Variants in PALMD observed in about 807,000 individuals in gnomAD.
PALMD encodes the protein palmdelphin.
A neutral mutation model predicts 56.2 loss-of-function variants in PALMD; 42 were observed. The observed-to-expected ratio is 0.75, with a 90% confidence interval of 0.58 to 0.97. The LOEUF is 0.97. PALMD is among the 50% of genes least tolerant of loss of function. The pLI, the probability that PALMD is intolerant of heterozygous loss-of-function variation, is 0.00. For missense variants in PALMD, 660 were observed against 643.8 expected (o/e 1.03, Z -0.27); for synonymous variants, 242 against 222.9 (o/e 1.09, Z -0.76).
intron 7 of PALMD, among the ~76,000 whole-genome samples, chr1:99,691,476 TATCA>T (rs1226573918): frequency 2.0e-5 from 3 of 152,168 alleles, no homozygotes; most frequent in Non-Finnish European, 4.4e-5. Flanking sequence ...AGTTCTGTAT[TATCA>T]ATCAAAGTAT....
chr1:99,682,172 A>G (rs916724114), intron 3 of PALMD, among the ~76,000 whole-genome samples: 2 of 152,230 alleles, frequency 1.3e-5, no homozygotes, highest in African/African-American at 4.8e-5. Flanking sequence ...TATATTGTCC[A>G]TAAATATTTG....
chr1:99,646,530 G>C (rs1165338370), intron 1 of PALMD, among the ~76,000 whole-genome samples, 168 bp downstream of exon 1: 3 of 152,170 alleles, frequency 2.0e-5, no homozygotes, highest in Non-Finnish European at 4.4e-5. Context: ...TGTAACTCTG[G>C]GGCTTCAGAA....
chr1:99,672,656 T>C (rs78228892), intron 3 of PALMD, among the ~76,000 whole-genome samples: 1,931 of 152,218 alleles, frequency 0.013, 27 homozygotes, highest in African/African-American at 0.036. Context: ...CAAACTGCCC[T>C]GTGCCAAGCT....
At chr1:99,674,362 T>C (rs1292330605) in intron 3 of PALMD, among the ~76,000 whole-genome samples, 2 of 152,192 alleles carry the variant, frequency 1.3e-5, no homozygotes, top group African/African-American at 4.8e-5. Flanking sequence ...AGCACTATTC[T>C]GAGAATGACA....
intron 7 of PALMD, 24 bp from the exon 8 acceptor site, chr1:99,693,995 T>TC: frequency 6.5e-7 from 1 of 1,528,754 alleles, no homozygotes; most frequent in Non-Finnish European, 8.9e-7. Context: ...TTTATAACTC[T>TC]CTTTTTTTTT....
At chr1:99,688,526 T>C (rs1237777401) in intron 6 of PALMD, among the ~76,000 whole-genome samples, 1 of 152,162 alleles carries the variant, frequency 6.6e-6, no homozygotes, top group African/African-American at 2.4e-5. Context: ...TTATCTTCTC[T>C]AATCAACTTC....
chr1:99,670,097 G>A (rs963729479), intron 3 of PALMD, among the ~76,000 whole-genome samples: 3 of 152,182 alleles, frequency 2.0e-5, no homozygotes, highest in Non-Finnish European at 4.4e-5. Flanking sequence ...TTTGAAGTGT[G>A]TTCTGTCCCT....
intron 3 of PALMD, among the ~76,000 whole-genome samples, chr1:99,681,857 C>A (rs542554866): frequency 6.6e-6 from 1 of 152,172 alleles, no homozygotes; most frequent in Non-Finnish European, 1.5e-5. Context: ...TGGTTACGAA[C>A]CACTGTACTA....
chr1:99,664,375 T>C (rs909510607), intron 2 of PALMD, among the ~76,000 whole-genome samples: 1 of 152,174 alleles, frequency 6.6e-6, no homozygotes, highest in Admixed American at 6.6e-5. Context: ...TGGATGTATA[T>C]AGGGCCTTTA....
chr1:99,686,748 G>A lies in PALMD; in HGVS notation c.324G>A (p.Lys108=). 1.2e-6 allele frequency: 2 copies of A among 1,607,406 alleles called. No individual in the cohort carries two copies. The highest frequency in any genetic ancestry group is 1.7e-6 in the Non-Finnish European group (2 of 1,175,004). The change falls in exon 4 of 8, where the codon AAG becomes AAA. Residue 108 remains lysine, a synonymous_variant. Transcript: ENST00000263174. ...QISTKEEAIL[K]KLKSIERTTE... is the part of the protein sequence containing the mutation. ...CAACGAAGGAAGAGGCCATTTTAAA[G>A]AAACTAAAGTCAATTGAGCGGACAA...
intron 1 of PALMD, among the ~76,000 whole-genome samples, chr1:99,661,835 A>C (rs1321161836): frequency 6.6e-6 from 1 of 152,208 alleles, no homozygotes; most frequent in Non-Finnish European, 1.5e-5. Context: ...CAGGCTATGC[A>C]AGGAGGAAAC....
chr1:99,656,630 C>T (rs748875277), intron 1 of PALMD, among the ~76,000 whole-genome samples: 1 of 152,214 alleles, frequency 6.6e-6, no homozygotes, highest in Non-Finnish European at 1.5e-5. Flanking sequence ...CCTATACCCT[C>T]TTTCTAGTCA....
intron 3 of PALMD, among the ~76,000 whole-genome samples, chr1:99,677,056 C>T (rs941476344): frequency 6.6e-6 from 1 of 151,926 alleles, no homozygotes; most frequent in Non-Finnish European, 1.5e-5. Context: ...GTAAAAAGAC[C>T]TTTCATTTTT....
intron 7 of PALMD, among the ~76,000 whole-genome samples, chr1:99,693,018 A>G (rs1375171439): frequency 6.6e-6 from 1 of 152,224 alleles, no homozygotes; most frequent in East Asian, 1.9e-4. Flanking sequence ...TAAAATAATC[A>G]TGGTCTTGTT....
At position 99,688,800 on chromosome 1, in the gene PALMD, T is replaced by G; in HGVS notation, c.540T>G (p.Val180=). Residue 180 remains valine, a synonymous_variant, in exon 7 of 8, where the codon GTT becomes GTG. Coordinates refer to ENST00000263174, the MANE Select transcript of PALMD (RefSeq NM_017734.5). ...CTTTATATGCCATGGAAATTAAAGT[T>G]GAAAAAGACTTGAAGACTGGAGAAA... ...RKALYAMEIK[V]EKDLKTGEST... The G allele has an allele frequency of 6.3e-7, 1 of 1,598,974 alleles. No individual in the cohort carries two copies. The highest frequency in any genetic ancestry group is 8.5e-7 in the Non-Finnish European group (1 of 1,173,054).
intron 7 of PALMD, chr1:99,690,224 C>T (rs1571077834): frequency 2.9e-6 from 1 of 348,086 alleles, no homozygotes. Context: ...CTGATGACTA[C>T]TTTATTTGTG....
In PALMD at chr1:99,688,944, C is replaced by T. The variant is rs751815532; in HGVS notation, c.684C>T (p.Tyr228=). The stretch of plus-strand genomic sequence containing the variant: ...TAAGTTCTAATCACAGTGCAGCATA[C>T]AATGGCACCGATGGCCTGGCACCAG... ...YAVSSNHSAA[Y]NGTDGLAPVE... is the part of the protein sequence containing the mutation. Residue 228 remains tyrosine, a synonymous_variant, in exon 7 of 8, where the codon TAC becomes TAT. Transcript: ENST00000263174. The T allele has an allele frequency of 1.1e-5, 18 of 1,613,446 alleles. No homozygotes were observed. In the Admixed American group the frequency reaches 3.0e-4, roughly 27 times the overall value.
At chr1:99,660,996 G>A (rs186412583) in intron 1 of PALMD, among the ~76,000 whole-genome samples, 52 of 152,268 alleles carry the variant, frequency 3.4e-4, no homozygotes, top group African/African-American at 1.2e-3. Flanking sequence ...TTCAACAAAT[G>A]TACCTGAAAT....
chr1:99,667,947 C>T (rs921891920), intron 3 of PALMD, 181 bp downstream of exon 3: 20 of 539,888 alleles, frequency 3.7e-5, no homozygotes, highest in African/African-American at 5.7e-5. Context: ...GACATGATCT[C>T]GGCTCACGGC....
Sources: gnomAD v4.1 joint callset for allele counts (sites outside exome capture counted in the v4.1 genomes callset) on GRCh38, gnomAD v4.1.1 for gene constraint, MANE v1.5 for transcripts, NCBI Gene and HGNC (gene_info 2026-07-23, HGNC 2026-07-21) for gene names.